EYS: variants seen among roughly 807,000 people sequenced by gnomAD.
EYS encodes the protein protein eyes shut homolog.
Under a neutral mutation model 282.1 loss-of-function variants are expected in EYS, and 250 were observed. The observed-to-expected ratio is 0.89, with a 90% CI of 0.80 to 0.98. EYS has a LOEUF of 0.98. Among genes scored for constraint, EYS ranks in the 50% least tolerant of loss-of-function variants. The pLI, the probability that EYS is intolerant of heterozygous loss-of-function variation, is 0.00. For missense variants in EYS, 4,016 were observed against 3,709.0 expected (o/e 1.08, Z -2.15); for synonymous variants, 1,355 against 1,282.9 (o/e 1.06, Z -1.20).
intron 12 of EYS, among the ~76,000 whole-genome samples, chr6:65,186,821 G>T (rs1041040968): frequency 1.3e-5 from 2 of 151,762 alleles, no homozygotes; most frequent in African/African-American, 4.8e-5. Context: ...TTGATACCAT[G>T]AGACTTTTAA....
chr6:64,319,997 C>G (rs1435732076), intron 29 of EYS, among the ~76,000 whole-genome samples: 4 of 151,914 alleles, frequency 2.6e-5, no homozygotes, highest in African/African-American at 9.7e-5. Context: ...AATTAAAGCA[C>G]ATTCCCTTAG....
At chr6:63,978,647 A>T (rs1176466007) in intron 35 of EYS, among the ~76,000 whole-genome samples, 3 of 152,000 alleles carry the variant, frequency 2.0e-5, no homozygotes, top group Non-Finnish European at 4.4e-5. Flanking sequence ...GCGACATGAC[A>T]TTGTGAAATG....
intron 31 of EYS, among the ~76,000 whole-genome samples, chr6:64,181,573 C>T (rs1764788951): frequency 6.6e-6 from 1 of 151,916 alleles, no homozygotes. Context: ...AATGAATCAC[C>T]TTTGAAAACA....
intron 41 of EYS, among the ~76,000 whole-genome samples, chr6:63,754,205 T>C (rs1381539173): frequency 6.6e-6 from 1 of 152,186 alleles, no homozygotes; most frequent in Non-Finnish European, 1.5e-5. Flanking sequence ...TTATTTTTAT[T>C]ATTATACTTT....
chr6:63,871,267 G>A (rs4710450), intron 35 of EYS, among the ~76,000 whole-genome samples: 55,600 of 152,078 alleles, frequency 0.37, 10,633 homozygotes, highest in South Asian at 0.47. Context: ...ACATTGAAAC[G>A]TTTTTGATGA....
intron 19 of EYS, among the ~76,000 whole-genome samples, chr6:64,876,239 A>T (rs138065285): frequency 2.0e-4 from 31 of 152,208 alleles, no homozygotes; most frequent in South Asian, 1.4e-3. Flanking sequence ...GTAAAAAATT[A>T]TCTAGATTGT....
At chr6:64,966,619 C>G (rs1770103429) in intron 14 of EYS, among the ~76,000 whole-genome samples, 1 of 152,128 alleles carries the variant, frequency 6.6e-6, no homozygotes, top group Non-Finnish European at 1.5e-5. Context: ...GAACTGCTTT[C>G]TTATCATCCT....
chr6:65,572,946 T>A (rs1420276573), intron 2 of EYS, among the ~76,000 whole-genome samples: 1 of 152,158 alleles, frequency 6.6e-6, no homozygotes. Context: ...TTTTGATAGA[T>A]GTTATCAAGA....
chr6:63,920,686 T>A (rs1764544576), intron 35 of EYS, among the ~76,000 whole-genome samples: 1 of 152,176 alleles, frequency 6.6e-6, no homozygotes, highest in African/African-American at 2.4e-5. Flanking sequence ...AGGGGAGTAC[T>A]TTCCAAAAAA....
intron 12 of EYS, among the ~76,000 whole-genome samples, chr6:65,088,307 A>G (rs1037427616): frequency 3.3e-5 from 5 of 152,300 alleles, no homozygotes; most frequent in African/African-American, 1.2e-4. Flanking sequence ...GGTCAAAAGA[A>G]GACAGGAAGA....
intron 29 of EYS, among the ~76,000 whole-genome samples, chr6:64,353,037 G>T (rs1362344562): frequency 6.6e-6 from 1 of 151,374 alleles, no homozygotes; most frequent in Non-Finnish European, 1.5e-5. Context: ...TCATATCCCT[G>T]CCCTAAAGTG....
chr6:64,890,054 C>T lies in EYS; in HGVS notation c.2847-3212G>A, dbSNP rs910596474. Among the ~76,000 whole-genome samples the T allele has an allele frequency of 2.8e-4, 42 of 150,310 alleles. 1 individual carries two copies. The highest frequency in any genetic ancestry group is 5.6e-4 in the Non-Finnish European group (38 of 67,612). ...GTATAGGCCTATAAATGCCCCCCCCCCCCAAGGTGTGCCCATCTCTTATGG... is the reference window on the plus strand; with the variant it reads ...GTATAGGCCTATAAATGCCCCCCCCTCCCAAGGTGTGCCCATCTCTTATGG... On this transcript the variant is annotated intron_variant, in intron 18 of 42. Coordinates refer to ENST00000503581, the MANE Select transcript of EYS (RefSeq NM_001142800.2).
intron 22 of EYS, among the ~76,000 whole-genome samples, chr6:64,646,219 A>C (rs1283097540): frequency 6.6e-6 from 1 of 152,188 alleles, no homozygotes; most frequent in African/African-American, 2.4e-5. Flanking sequence ...TGAGGCATAG[A>C]GACATATATC....
chr6:63,918,200 C>T lies in EYS; in HGVS notation c.7056-53842G>A, dbSNP rs187206439. On this transcript the variant is annotated intron_variant, in intron 35 of 42. Coordinates refer to ENST00000503581, the MANE Select transcript of EYS (RefSeq NM_001142800.2). ...ACATTTATAGTAGGATCCATGCCAT[C>T]CTTTGTAATCTGATGCTATATAATG... 3.3e-5 allele frequency among the ~76,000 whole-genome samples: 5 copies of T among 152,232 alleles called. No homozygotes were observed. The East Asian group carries it at 9.7e-4, about 29-fold the overall frequency.
intron 35 of EYS, among the ~76,000 whole-genome samples, chr6:63,891,312 A>G (rs1773400852): frequency 6.6e-6 from 1 of 152,196 alleles, no homozygotes; most frequent in East Asian, 1.9e-4. Context: ...AATATCCCTG[A>G]TGAACATCGA....
At chr6:63,974,813 A>G (rs1766754305) in intron 35 of EYS, among the ~76,000 whole-genome samples, 1 of 152,042 alleles carries the variant, frequency 6.6e-6, no homozygotes, top group Non-Finnish European at 1.5e-5. Context: ...CCGAAGATCT[A>G]TCAATAAATG....
chr6:63,925,826 A>C (rs1199136243), intron 35 of EYS, among the ~76,000 whole-genome samples: 1 of 152,084 alleles, frequency 6.6e-6, no homozygotes, highest in Non-Finnish European at 1.5e-5. Context: ...TTGTAGTTTT[A>C]GTAGAGACGG....
Position 64,591,858 on chromosome 6 carries a change from G to A in EYS, c.4009C>T (p.His1337Tyr), listed in dbSNP as rs1204054236. The change falls in exon 26 of 43, where the codon CAC becomes TAC. Residue 1337 changes from histidine to tyrosine, a missense_variant. Physicochemically the swap from His to Tyr is moderately conservative, Grantham distance 83. Coordinates refer to ENST00000503581, the MANE Select transcript of EYS (RefSeq NM_001142800.2). ...ACATCTGCGGAAGAAAGAAGACTGT[G>A]TTTTGCTGAAAGCTCTCTAGTGACA... ...LIVTRELSAK[H>Y]SLLSSADVSS... 1.3e-6 allele frequency: 2 copies of A among 1,551,248 alleles called. No individual in the cohort carries two copies. Among genetic ancestry groups the A allele is most frequent in the Non-Finnish European group, 8.7e-7 (1 of 1,146,670 alleles).
chr6:64,069,324 G>A (rs982591906), intron 32 of EYS, among the ~76,000 whole-genome samples: 2 of 151,496 alleles, frequency 1.3e-5, no homozygotes, highest in African/African-American at 4.9e-5. Context: ...TAATTCTTAT[G>A]ATGTAAATAT....
Sources: gnomAD v4.1 joint callset for allele counts (sites outside exome capture counted in the v4.1 genomes callset) on GRCh38, gnomAD v4.1.1 for gene constraint, MANE v1.5 for transcripts, NCBI Gene and HGNC (gene_info 2026-07-23, HGNC 2026-07-21) for gene names.